RBM44: variants seen among roughly 807,000 people sequenced by gnomAD.
The protein encoded by RBM44 is RNA-binding protein 44.
A neutral mutation model predicts 105.1 loss-of-function variants in RBM44; 66 were observed. That is an observed-to-expected ratio of 0.63 (90% CI 0.52 to 0.77). The LOEUF is 0.77. Among genes scored for constraint, RBM44 ranks in the 30% least tolerant of loss-of-function variants. RBM44 has a pLI of 0.00. For synonymous variants in RBM44, 365 were observed against 417.6 expected, an observed-to-expected ratio of 0.87 and a Z score of 1.54; for missense variants, 1,122 against 1,207.8, an observed-to-expected ratio of 0.93 and a Z score of 1.05.
chr2:237,812,882 G>T, intron 1 of RBM44, among the ~76,000 whole-genome samples: 1 of 152,214 alleles, frequency 6.6e-6, no homozygotes, highest in Admixed American at 6.5e-5. Flanking sequence ...TGGATATCCC[G>T]ATTACCCTGA....
In RBM44 at chr2:237,827,906, C is replaced by T. The variant is rs1218420252; in HGVS notation, c.2600+403C>T. Among the ~76,000 whole-genome samples the T allele has an allele frequency of 2.0e-5, 3 of 152,074 alleles. No homozygotes were observed. The East Asian group carries it at 5.8e-4, about 29-fold the overall frequency. The stretch of plus-strand genomic sequence containing the variant: ...GTTACTTAACCTTTCTGTACCTCAG[C>T]CTCTTTGTCTATAAAGTGAGGATAA... On this transcript the variant is annotated intron_variant, in intron 12 of 15. Transcript: ENST00000316997.
intron 1 of RBM44, among the ~76,000 whole-genome samples, chr2:237,811,414 G>A (rs1314271937): frequency 6.6e-6 from 1 of 151,978 alleles, no homozygotes; most frequent in African/African-American, 2.4e-5. Flanking sequence ...GACTACAGGG[G>A]CAAGCCACCA....
Position 237,817,101 on chromosome 2 carries a change from AAAG to A in RBM44, c.184_186del (p.Arg62del). ...GACTGGAATTCTTCGACACTAGAGC[AAAG>A]AGCTAATAATAAAGAAATCAGCAAT... On this transcript the variant is annotated inframe_deletion, in exon 3 of 16. Coordinates refer to ENST00000316997, the MANE Select transcript of RBM44 (RefSeq NM_001080504.3). 6.2e-7 allele frequency: 1 copy of A among 1,608,890 alleles called. No homozygotes were observed. The highest frequency in any genetic ancestry group is 8.5e-7 in the Non-Finnish European group (1 of 1,178,044).
intron 1 of RBM44, among the ~76,000 whole-genome samples, chr2:237,809,429 A>G (rs768397550): frequency 3.3e-5 from 5 of 152,088 alleles, no homozygotes; most frequent in African/African-American, 9.7e-5. Flanking sequence ...TGAAATGTGT[A>G]TACTCAGTGT....
chr2:237,816,878 G>T (rs1269944444), intron 2 of RBM44, 115 bp from the exon 3 acceptor site: 4 of 624,238 alleles, frequency 6.4e-6, no homozygotes, highest in Non-Finnish European at 1.0e-5. Context: ...TTTCATGGAT[G>T]ATGTAAATTG....
At chr2:237,821,491 A>C (rs2061789422) in intron 7 of RBM44, 123 bp downstream of exon 7, 1 of 836,860 alleles carries the variant, frequency 1.2e-6, no homozygotes, top group South Asian at 1.7e-5. Context: ...TGAAGTGTTT[A>C]TCTTTTTTCT....
In RBM44 at chr2:237,817,371, A is replaced by G. The variant is rs2061730705; in HGVS notation, c.452A>G (p.Gln151Arg). Residue 151 changes from glutamine (Q) to arginine (R), a missense_variant, in exon 3 of 16, where the codon CAA becomes CGA. Gln to Arg is a conservative substitution (Grantham distance 43). Transcript: ENST00000316997. ...GTTTTTTTTAATATTTTGGAACATC[A>G]AGATAAGACTGTTGGCTTGGAAAGA... is the stretch of plus-strand genomic sequence containing the variant. Reference protein sequence around the residue: ...EEVFFNILEHQDKTVGLERIY... With the variant: ...EEVFFNILEHRDKTVGLERIY... 1 of 1,601,608 alleles carries G rather than the reference A, an allele frequency of 6.2e-7. No individual in the cohort carries two copies. The highest frequency in any genetic ancestry group is 1.1e-5 in the South Asian group (1 of 89,482).
At position 237,803,278 on chromosome 2, in the gene RBM44, C is replaced by T. The variant is rs982648715; in HGVS notation, c.-19+4417C>T. 2.0e-5 allele frequency among the ~76,000 whole-genome samples: 3 copies of T among 151,684 alleles called. No homozygotes were observed. Among genetic ancestry groups the T allele is most frequent in the African/African-American group, 7.3e-5 (3 of 41,222 alleles). ...CGAGACACACACACACACACAGTCT[C>T]TCTGTCTCTGGGTGACAGAGCGAGA... On this transcript the variant is annotated intron_variant, in intron 1 of 15. Coordinates refer to ENST00000316997, the MANE Select transcript of RBM44 (RefSeq NM_001080504.3). The surrounding 1 kb of genome is among the most constrained non-coding windows in gnomAD (Gnocchi z 4.2).
Position 237,824,398 on chromosome 2 carries a change from T to C in RBM44, c.2428T>C (p.Trp810Arg). 1 of 1,612,408 alleles carries C rather than the reference T, an allele frequency of 6.2e-7. No homozygotes were observed. Among genetic ancestry groups the C allele is most frequent in the South Asian group, 1.1e-5 (1 of 90,934 alleles). ...GGGAAATCAAGTAGAACAAGACACA[T>C]GGAATTTGGATCTTACAGGAGGTTG... is the stretch of plus-strand genomic sequence containing the variant. ...TQGNQVEQDT[W>R]NLDLTGEMKN... Residue 810 changes from tryptophan to arginine, a missense_variant, in exon 10 of 16, where the codon TGG becomes CGG. Physicochemically the swap from Trp to Arg is moderately radical, Grantham distance 101. This residue lies in a region of RBM44 where 918 missense variants were observed against 955.3 expected (regional missense o/e 0.96). Coordinates refer to ENST00000316997, the MANE Select transcript of RBM44 (RefSeq NM_001080504.3).
At position 237,810,982 on chromosome 2, in the gene RBM44, C is replaced by A. The variant is rs377334366; in HGVS notation, c.-18-2610C>A. Among the ~76,000 whole-genome samples the A allele has an allele frequency of 1.7e-4, 26 of 152,160 alleles. No homozygotes were observed. In the South Asian group the frequency reaches 5.2e-3, roughly 30 times the overall value. On this transcript the variant is annotated intron_variant, in intron 1 of 15. Coordinates refer to ENST00000316997, the MANE Select transcript of RBM44 (RefSeq NM_001080504.3). ...ACCGAAGCAACCATTACTGTGGTGACCTTTGAACATTGTCTATAAAGTGGC... is the reference window on the plus strand; with the variant it reads ...ACCGAAGCAACCATTACTGTGGTGAACTTTGAACATTGTCTATAAAGTGGC...
At chr2:237,815,900 G>C (rs2061709781) in intron 2 of RBM44, among the ~76,000 whole-genome samples, 2 of 151,862 alleles carry the variant, frequency 1.3e-5, no homozygotes, top group Non-Finnish European at 2.9e-5. Context: ...CTGTTGCCAG[G>C]AATGACTACA....
In RBM44 at chr2:237,816,530, A is replaced by G. The variant is rs375544879; in HGVS notation, c.74-463A>G. Among the ~76,000 whole-genome samples the G allele has an allele frequency of 3.9e-5, 6 of 152,254 alleles. No homozygotes were observed. The East Asian group carries it at 1.2e-3, about 29-fold the overall frequency. On this transcript the variant is annotated intron_variant, in intron 2 of 15. Coordinates refer to ENST00000316997, the MANE Select transcript of RBM44 (RefSeq NM_001080504.3). ...AGGCTGCCATAACAAAATACCATAT[A>G]GTGAGTGGCTTAAACAACAGGTGCT...
intron 1 of RBM44, among the ~76,000 whole-genome samples, chr2:237,802,368 G>A (rs1057029083): frequency 6.6e-6 from 1 of 152,132 alleles, no homozygotes; most frequent in African/African-American, 2.4e-5. Context: ...TCTAGGTTTC[G>A]TGCTACCTAT....
chr2:237,834,490 C>A, intron 15 of RBM44, 67 bp downstream of exon 15: 1 of 746,050 alleles, frequency 1.3e-6, no homozygotes. Context: ...ATTTCATTTT[C>A]TTTTTACATA....
intron 15 of RBM44, among the ~76,000 whole-genome samples, chr2:237,840,562 A>C (rs1451974257): frequency 6.6e-6 from 1 of 152,192 alleles, no homozygotes; most frequent in Non-Finnish European, 1.5e-5. Flanking sequence ...TTACAACAAA[A>C]AAATTGACAA....
chr2:237,806,868 T>C (rs1214447472), intron 1 of RBM44, among the ~76,000 whole-genome samples: 2 of 151,792 alleles, frequency 1.3e-5, no homozygotes, highest in African/African-American at 4.8e-5. Flanking sequence ...TGAAAATGGG[T>C]GGGGTGGGGG....
At position 237,834,123 on chromosome 2, in the gene RBM44, C is replaced by T; in HGVS notation, c.3013C>T (p.Leu1005=). The T allele has an allele frequency of 6.3e-7, 1 of 1,575,200 alleles. No individual in the cohort carries two copies. The highest frequency in any genetic ancestry group is 8.6e-7 in the Non-Finnish European group (1 of 1,160,080). ...FTKIIKRLAE[L]HPEVSRDHII... is the part of the protein sequence containing the mutation. ...CAAGATCATAAAGAGACTGGCTGAACTGCATCCAGAAGTCAGCAGGTAATA... is the reference window on the plus strand; with the variant it reads ...CAAGATCATAAAGAGACTGGCTGAATTGCATCCAGAAGTCAGCAGGTAATA... The change falls in exon 14 of 16, where the codon CTG becomes TTG. Residue 1005 remains leucine, a synonymous_variant. Transcript: ENST00000316997.
chr2:237,841,293 T>C lies in RBM44; in HGVS notation c.*23-546T>C, dbSNP rs1206171548. On this transcript the variant is annotated intron_variant, in intron 15 of 15. Transcript: ENST00000316997. The surrounding 1 kb of genome is among the most constrained non-coding windows in gnomAD (Gnocchi z 4.5). ...CAGTATGGATGGAGCTAGAGGCCGT[T>C]ATCCTAAGCAAACTAATGCAGGAAC... Among the ~76,000 whole-genome samples, 1 of 152,204 alleles carries C rather than the reference T, an allele frequency of 6.6e-6. No homozygotes were observed. The highest frequency in any genetic ancestry group is 2.4e-5 in the African/African-American group (1 of 41,446).
chr2:237,817,801 T>G lies in RBM44; in HGVS notation c.882T>G (p.Phe294Leu). The G allele has an allele frequency of 6.2e-7, 1 of 1,611,184 alleles. No individual in the cohort carries two copies. Among genetic ancestry groups the G allele is most frequent in the Non-Finnish European group, 8.5e-7 (1 of 1,178,108 alleles). The change falls in exon 3 of 16, where the codon TTT (phenylalanine) becomes TTG (leucine). Residue 294 changes from phenylalanine (F) to leucine (L), a missense_variant. By Grantham distance (22) the Phe-to-Leu change is conservative (BLOSUM62 0). Around this residue, in one of 3 missense-constraint regions of RBM44, gnomAD observed 918 missense variants for 955.3 expected, o/e 0.96. Transcript: ENST00000316997. ...QETNSMYHTV[F>L]DGSVLRSNSP... is the part of the protein sequence containing the mutation. Reference sequence around the variant, plus strand: ...CTAATTCAATGTACCACACTGTATTTGATGGCAGTGTACTAAGAAGCAATT... The same window carrying G: ...CTAATTCAATGTACCACACTGTATTGGATGGCAGTGTACTAAGAAGCAATT...
Sources: gnomAD v4.1 joint callset for allele counts (sites outside exome capture counted in the v4.1 genomes callset) on GRCh38, gnomAD v4.1.1 for gene constraint, gnomAD v4.1.1 regional missense constraint, Gnocchi (gnomAD v3.1) non-coding constraint, MANE v1.5 for transcripts, NCBI Gene and HGNC (gene_info 2026-07-23, HGNC 2026-07-21) for gene names.